DAB2IP: variants seen among roughly 807,000 people sequenced by gnomAD.
DAB2IP encodes the protein disabled homolog 2-interacting protein.
Under a neutral mutation model 107.2 loss-of-function variants are expected in DAB2IP, and 28 were observed. The ratio of observed to expected loss-of-function variants is 0.26; its 90% CI spans 0.19 to 0.36. The LOEUF is 0.36. Ranked by LOEUF, DAB2IP falls within the 10% of genes least tolerant of loss-of-function variation. The pLI, the probability that DAB2IP is intolerant of heterozygous loss-of-function variation, is 1.00. For missense variants in DAB2IP, 1,400 were observed against 1,644.7 expected (o/e 0.85, Z 2.57); for synonymous variants, 755 against 706.4 (o/e 1.07, Z -1.09).
chr9:121,782,205 T>C lies in DAB2IP; in HGVS notation c.3403-126T>C. On this transcript the variant is annotated intron_variant, in intron 15 of 15. Transcript: ENST00000408936. This position sits in a 1 kb window ranked among gnomAD's most constrained non-coding sequence, Gnocchi z 6.1. ...CTGCCTACCTTCTCTTGCCAGCTGC[T>C]CACAGCCCGGAGCCTGCCTGCCACC... 2 of 1,454,504 alleles carry C rather than the reference T, an allele frequency of 1.4e-6. No homozygotes were observed. The highest frequency in any genetic ancestry group is 2.5e-4 in the Middle Eastern group (1 of 3,992). 90.1% of individuals were successfully genotyped at this position (1,454,504 alleles called of 1,614,324 possible).
exon 16 of DAB2IP, chr9:121,783,104 T>C (rs1240006607): frequency 2.8e-6 from 3 of 1,054,248 alleles, no homozygotes; most frequent in East Asian, 1.5e-4. Flanking sequence ...CCTTCCTGGC[T>C]GTGAGGAACT....
chr9:121,767,163 A>G (rs1834344146), intron 9 of DAB2IP, among the ~76,000 whole-genome samples: 1 of 152,232 alleles, frequency 6.6e-6, no homozygotes, highest in African/African-American at 2.4e-5. Context: ...GTGTCAGGCT[A>G]TCAGGATGTC....
chr9:121,627,283 C>T (rs1280864586), intron 1 of DAB2IP, among the ~76,000 whole-genome samples: 2 of 152,060 alleles, frequency 1.3e-5, no homozygotes, highest in African/African-American at 2.4e-5. Context: ...CCTCGCGCTG[C>T]AGAACGGTCA....
chr9:121,659,570 G>A (rs1312055874), intron 1 of DAB2IP, among the ~76,000 whole-genome samples: 1 of 152,122 alleles, frequency 6.6e-6, no homozygotes, highest in Admixed American at 6.5e-5. Context: ...GAGGTGGGCG[G>A]ATCACGAGGT....
chr9:121,597,655 C>G (rs1338087026), intron 1 of DAB2IP, among the ~76,000 whole-genome samples: 2 of 152,164 alleles, frequency 1.3e-5, no homozygotes, highest in Non-Finnish European at 2.9e-5. Context: ...AAAAGGATTT[C>G]TTGCATACTA....
chr9:121,770,668 C>A (rs1475031941), exon 11 of DAB2IP: 6 of 1,614,084 alleles, frequency 3.7e-6, no homozygotes, highest in Non-Finnish European at 5.1e-6. Flanking sequence ...CGGGCTCTGG[C>A]AGCAGCAGCA....
At chr9:121,631,560 G>A (rs1831881533) in intron 1 of DAB2IP, among the ~76,000 whole-genome samples, 1 of 152,106 alleles carries the variant, frequency 6.6e-6, no homozygotes, top group Admixed American at 6.5e-5. Flanking sequence ...GCTCACACCT[G>A]TAATCCCAGA....
chr9:121,585,793 G>A (rs751969476), intron 1 of DAB2IP, among the ~76,000 whole-genome samples: 1 of 152,114 alleles, frequency 6.6e-6, no homozygotes, highest in Non-Finnish European at 1.5e-5. Context: ...AGCAGAGGTT[G>A]CAGTGAGCTG....
In DAB2IP at chr9:121,699,517, G is replaced by C; in HGVS notation, c.362+59G>C. On this transcript the variant is annotated intron_variant, in intron 3 of 15. Coordinates refer to ENST00000408936, the Ensembl canonical transcript of DAB2IP. The surrounding 1 kb of genome is among the most constrained non-coding windows in gnomAD (Gnocchi z 6.2). ...CGCCGCCCCGGGCTGCGCCCCTGAG[G>C]ACGCGGGGACAAAGCGCGAGCCCGG... The C allele has an allele frequency of 8.4e-7, 1 of 1,194,470 alleles. No individual in the cohort carries two copies. The highest frequency in any genetic ancestry group is 1.0e-6 in the Non-Finnish European group (1 of 962,980). 74.0% of individuals were successfully genotyped at this position (1,194,470 alleles called of 1,614,324 possible).
At chr9:121,615,257 T>C (rs1831228317) in intron 1 of DAB2IP, among the ~76,000 whole-genome samples, 1 of 152,192 alleles carries the variant, frequency 6.6e-6, no homozygotes, top group South Asian at 2.1e-4. Flanking sequence ...ATAGTACCAA[T>C]CCATATGAAC....
chr9:121,698,149 T>C lies in DAB2IP; in HGVS notation c.229-1176T>C, dbSNP rs7850548. ...GATGGATGGAATGTGGTATTTGGAT[T>C]ATGTACATTAACCTCAAATTAAATT... is the stretch of plus-strand genomic sequence containing the variant. On this transcript the variant is annotated intron_variant, in intron 2 of 15. Transcript: ENST00000408936. The surrounding 1 kb of genome is among the most constrained non-coding windows in gnomAD (Gnocchi z 4.1). Among the ~76,000 whole-genome samples, 116 of 152,326 alleles carry C rather than the reference T, an allele frequency of 7.6e-4. No individual in the cohort carries two copies. Among genetic ancestry groups the C allele is most frequent in the African/African-American group, 2.6e-3 (110 of 41,560 alleles).
chr9:121,688,130 G>C (rs530084010), intron 2 of DAB2IP, among the ~76,000 whole-genome samples: 1 of 152,158 alleles, frequency 6.6e-6, no homozygotes, highest in Non-Finnish European at 1.5e-5. Flanking sequence ...CCTGGGAGGT[G>C]GGGGAGCCTG....
intron 1 of DAB2IP, among the ~76,000 whole-genome samples, chr9:121,660,240 A>G (rs1833145933): frequency 6.6e-6 from 1 of 152,182 alleles, no homozygotes; most frequent in African/African-American, 2.4e-5. Flanking sequence ...CCTGCCTTAA[A>G]TCATCATTCT....
chr9:121,777,711 A>G (rs1044118990), intron 14 of DAB2IP, among the ~76,000 whole-genome samples: 49 of 150,508 alleles, frequency 3.3e-4, no homozygotes, highest in African/African-American at 1.2e-3. Context: ...GTACACTGAA[A>G]CTATTCTTAG....
rs1833791340 is a variant in DAB2IP at position 121,760,211 on chromosome 9, G to C, written c.942G>C (p.Val314=). ...TCGTGGAGAAGTGGTACCCGGTGGT[G>C]ACGCCCAACCCCAAGGGCGGCAAGG... Residue 314 remains valine, a synonymous_variant, in exon 6 of 16, where the codon GTG becomes GTC. Coordinates refer to ENST00000408936, the Ensembl canonical transcript of DAB2IP. The surrounding 1 kb of genome is among the most constrained non-coding windows in gnomAD (Gnocchi z 5.9). The C allele has an allele frequency of 6.2e-7, 1 of 1,613,564 alleles. No homozygotes were observed. The highest frequency in any genetic ancestry group is 8.5e-7 in the Non-Finnish European group (1 of 1,180,020).
intron 1 of DAB2IP, among the ~76,000 whole-genome samples, chr9:121,583,726 C>T (rs894731351): frequency 9.2e-5 from 14 of 152,184 alleles, no homozygotes; most frequent in African/African-American, 3.4e-4. Context: ...TCCGTGGATC[C>T]CAGATTCCTG....
In DAB2IP at chr9:121,776,444, G is replaced by T. The variant is rs891127070; in HGVS notation, c.3314+53G>T. On this transcript the variant is annotated intron_variant, in intron 14 of 15. Coordinates refer to ENST00000408936, the Ensembl canonical transcript of DAB2IP. The surrounding 1 kb of genome is among the most constrained non-coding windows in gnomAD (Gnocchi z 5.4). ...CACAGGCACAGGCAGGGCAGCCATC[G>T]CTGCCTTCGAGGAGGCCCCTGGTCG... is the stretch of plus-strand genomic sequence containing the variant. 3 of 1,459,996 alleles carry T rather than the reference G, an allele frequency of 2.1e-6. No individual in the cohort carries two copies. Among genetic ancestry groups the T allele is most frequent in the East Asian group, 5.0e-5 (2 of 40,178 alleles). The allele number at this position is 1,459,996 out of a possible 1,614,324, so 90.4% of individuals were successfully genotyped here. A position where few individuals can be genotyped will look rare whatever the true frequency, so the allele number is the denominator to read the frequency against.
intron 8 of DAB2IP, among the ~76,000 whole-genome samples, chr9:121,765,880 C>A (rs1285790978): frequency 1.3e-5 from 2 of 152,268 alleles, no homozygotes; most frequent in Admixed American, 1.3e-4. Context: ...CTCCCTTTCC[C>A]TCCCCATGTA....
At chr9:121,704,548 C>T (rs570801677) in intron 3 of DAB2IP, among the ~76,000 whole-genome samples, 1 of 152,090 alleles carries the variant, frequency 6.6e-6, no homozygotes, top group Non-Finnish European at 1.5e-5. Flanking sequence ...GTTTGGTCTT[C>T]CTCAGCTCTG....
Sources: gnomAD v4.1 joint callset for allele counts (sites outside exome capture counted in the v4.1 genomes callset) on GRCh38, gnomAD v4.1.1 for gene constraint, Gnocchi (gnomAD v3.1) non-coding constraint, MANE v1.5 for transcripts, NCBI Gene and HGNC (gene_info 2026-07-23, HGNC 2026-07-21) for gene names.